Variants in BTF3L4 observed in about 807,000 individuals in gnomAD.
BTF3L4 encodes basic transcription factor 3 like 4.
A neutral mutation model predicts 16.8 loss-of-function variants in BTF3L4; 6 were observed. That is an observed-to-expected ratio of 0.36 (90% CI 0.20 to 0.71). The LOEUF is 0.71. Ranked by LOEUF, BTF3L4 falls within the 30% of genes least tolerant of loss-of-function variation. The pLI, the probability that BTF3L4 is intolerant of heterozygous loss-of-function variation, is 0.58. For missense variants in BTF3L4, 92 were observed against 186.9 expected (o/e 0.49, Z 2.96); for synonymous variants, 39 against 59.8 (o/e 0.65, Z 1.60).
chr1:52,059,621 T>G (rs535218282), intron 1 of BTF3L4, among the ~76,000 whole-genome samples: 3 of 152,336 alleles, frequency 2.0e-5, no homozygotes, highest in Non-Finnish European at 4.4e-5. Flanking sequence ...GTATATTTGA[T>G]TCCCTCATGG....
intron 3 of BTF3L4, among the ~76,000 whole-genome samples, chr1:52,073,259 C>T (rs1332374498): frequency 6.6e-6 from 1 of 151,702 alleles, no homozygotes; most frequent in African/African-American, 2.4e-5. Context: ...ACTCCAACCT[C>T]GGCAACAAGA....
chr1:52,070,171 C>G (rs1314266125), intron 3 of BTF3L4, among the ~76,000 whole-genome samples: 2 of 150,188 alleles, frequency 1.3e-5, no homozygotes, highest in Non-Finnish European at 2.9e-5. Flanking sequence ...GAGCTGAAAT[C>G]GTGCCATTGC....
chr1:52,080,046 A>T lies in BTF3L4; in HGVS notation c.169-3294A>T, dbSNP rs529633726. 3.6e-3 allele frequency among the ~76,000 whole-genome samples: 538 copies of T among 151,458 alleles called. 2 individuals are homozygous for T. The highest frequency in any genetic ancestry group is 0.012 in the African/African-American group (511 of 41,300). On this transcript the variant is annotated intron_variant, in intron 3 of 5. Coordinates refer to ENST00000313334, the MANE Select transcript of BTF3L4 (RefSeq NM_152265.5). ...ACCACCACACCCAGATGATTTTTGT[A>T]TTTTTAGTAGAGATGGGGTTTCACT...
At position 52,080,836 on chromosome 1, in the gene BTF3L4, C is replaced by CT. The variant is rs34697464; in HGVS notation, c.169-2482dup. 6.6e-3 allele frequency among the ~76,000 whole-genome samples: 555 copies of CT among 83,570 alleles called. 12 individuals are homozygous for CT. The highest frequency in any genetic ancestry group is 0.018 in the African/African-American group (406 of 22,150). The allele number at this position is 83,570 out of a possible 152,430, so 54.8% of individuals were successfully genotyped here. Reference sequence around the variant, plus strand: ...GGCGTGAGCCACTGCGCTCGGCCTTCTTTTTTTTTTTTTTTTTTTTTTCTG... The same window carrying CT: ...GGCGTGAGCCACTGCGCTCGGCCTTCTTTTTTTTTTTTTTTTTTTTTTTCTG... On this transcript the variant is annotated intron_variant, in intron 3 of 5. Coordinates refer to ENST00000313334, the MANE Select transcript of BTF3L4 (RefSeq NM_152265.5).
In BTF3L4 at chr1:52,090,236, A is replaced by G. The variant is rs1644007093; in HGVS notation, c.*3478A>G. On this transcript the variant is annotated 3_prime_UTR_variant, in exon 6 of 6. Coordinates refer to ENST00000313334, the MANE Select transcript of BTF3L4 (RefSeq NM_152265.5). ...TGCTCTCTGAGCCTCAGTTTTATCT[A>G]TAAAATGGTACCTAGAAGAGTCATG... The G allele has an allele frequency of 6.6e-6, 1 of 152,190 alleles. No homozygotes were observed. Among genetic ancestry groups the G allele is most frequent in the African/African-American group, 2.4e-5 (1 of 41,454 alleles). 9.4% of individuals were successfully genotyped at this position (152,190 alleles called of 1,614,324 possible). A position where few individuals can be genotyped will look rare whatever the true frequency, so the allele number is the denominator to read the frequency against.
In BTF3L4 at chr1:52,087,811, C is replaced by T. The variant is rs891268917; in HGVS notation, c.*1053C>T. ...AAGAAAATAGGCCATAGACTCATCT[C>T]CCAGCACAAATGGGCATTCTATGAA... On this transcript the variant is annotated 3_prime_UTR_variant, in exon 6 of 6. Transcript: ENST00000313334. 6.6e-6 allele frequency: 1 copy of T among 152,582 alleles called. No individual in the cohort carries two copies. The highest frequency in any genetic ancestry group is 2.4e-5 in the African/African-American group (1 of 41,438). The allele number at this position is 152,582 out of a possible 1,614,324, so 9.5% of individuals were successfully genotyped here.
intron 3 of BTF3L4, among the ~76,000 whole-genome samples, chr1:52,066,196 TG>T (rs1198085830): frequency 3.3e-5 from 5 of 151,694 alleles, no homozygotes; most frequent in African/African-American, 1.2e-4. Flanking sequence ...TGATTCCATT[TG>T]TTTTTTTGTT....
intron 2 of BTF3L4, among the ~76,000 whole-genome samples, chr1:52,064,411 C>T (rs1039181334): frequency 6.6e-6 from 1 of 152,018 alleles, no homozygotes; most frequent in Non-Finnish European, 1.5e-5. Context: ...TCAGTTATGT[C>T]CTAATTCCCC....
In BTF3L4 at chr1:52,086,135, C is replaced by G. The variant is rs149878816; in HGVS notation, c.394C>G (p.Pro132Ala). ...AGTCTTGGACAGTAAAGCACCAAAA[C>G]CAGAAGACATTGATGAGGAAGATGA... Reference protein sequence around the residue: ...RQVLDSKAPKPEDIDEEDDDV... With the variant: ...RQVLDSKAPKAEDIDEEDDDV... The change falls in exon 5 of 6, where the codon CCA becomes GCA. Residue 132 changes from proline to alanine, a missense_variant. Physicochemically the swap from Pro to Ala is conservative, Grantham distance 27. Transcript: ENST00000313334. 18 of 1,609,790 alleles carry G rather than the reference C, an allele frequency of 1.1e-5. No homozygotes were observed. The highest frequency in any genetic ancestry group is 1.5e-5 in the Non-Finnish European group (18 of 1,178,140).
At chr1:52,078,493 CCTT>C (rs1475618227) in intron 3 of BTF3L4, among the ~76,000 whole-genome samples, 3 of 152,072 alleles carry the variant, frequency 2.0e-5, no homozygotes, top group Non-Finnish European at 4.4e-5. Flanking sequence ...AAGAAATTAA[CCTT>C]CTAGTATGGT....
intron 2 of BTF3L4, chr1:52,060,395 C>A: frequency 8.9e-7 from 1 of 1,128,280 alleles, no homozygotes; most frequent in Non-Finnish European, 1.2e-6. Context: ...GCTGGAGATG[C>A]TTAAGTTGAT....
rs1036657684 is a variant in BTF3L4 at position 52,089,789 on chromosome 1, A to T, written c.*3031A>T. The T allele has an allele frequency of 1.3e-5, 2 of 151,942 alleles. No homozygotes were observed. Among genetic ancestry groups the T allele is most frequent in the East Asian group, 3.9e-4 (2 of 5,182 alleles). The allele number at this position is 151,942 out of a possible 1,614,324, so 9.4% of individuals were successfully genotyped here. ...GGGCTCTTATATCTGTTTTACCCTT[A>T]TTTTTCCCATTAAGTAATGGTTTAA... On this transcript the variant is annotated 3_prime_UTR_variant, in exon 6 of 6. Transcript: ENST00000313334.
intron 3 of BTF3L4, among the ~76,000 whole-genome samples, chr1:52,080,532 T>G (rs1251918205): frequency 2.4e-5 from 3 of 125,266 alleles, no homozygotes; most frequent in Admixed American, 1.7e-4. Flanking sequence ...TTTTTTTTTT[T>G]TTTTTTTTTT....
In BTF3L4 at chr1:52,083,220, C is replaced by G. The variant is rs909994603; in HGVS notation, c.169-120C>G. 9.0e-6 allele frequency: 7 copies of G among 773,730 alleles called. No homozygotes were observed. In the African/African-American group the frequency reaches 1.2e-4, roughly 14 times the overall value. 47.9% of individuals were successfully genotyped at this position (773,730 alleles called of 1,614,324 possible). ...CGAATGTCCGTTGCTTGGCCAGTTA[C>G]TACCTTGGGATTACATAACTACCAA... On this transcript the variant is annotated intron_variant, in intron 3 of 5. Transcript: ENST00000313334.
chr1:52,056,592 C>G (rs1284118734), intron 1 of BTF3L4, among the ~76,000 whole-genome samples: 2 of 152,268 alleles, frequency 1.3e-5, no homozygotes, highest in Non-Finnish European at 2.9e-5. Flanking sequence ...ACCACCGCCC[C>G]CTGTGGGAGC....
chr1:52,059,168 GTA>G (rs540736022), intron 1 of BTF3L4, among the ~76,000 whole-genome samples: 33 of 151,972 alleles, frequency 2.2e-4, no homozygotes, highest in Non-Finnish European at 4.3e-4. Context: ...GTCTTGACAA[GTA>G]TAACATACTA....
chr1:52,067,539 TATATTTTCATGGACCTCAA>T (rs1388319871), intron 3 of BTF3L4, among the ~76,000 whole-genome samples: 1 of 152,238 alleles, frequency 6.6e-6, no homozygotes, highest in Non-Finnish European at 1.5e-5. Context: ...AAAGCTTTTA[TATATTTTCATGGACCTCAA>T]ATATTTTAGA....
chr1:52,063,606 A>T (rs1686574065), intron 2 of BTF3L4, among the ~76,000 whole-genome samples: 1 of 152,226 alleles, frequency 6.6e-6, no homozygotes, highest in Admixed American at 6.5e-5. Flanking sequence ...TTAACCCTCA[A>T]GACTTAATAA....
At chr1:52,075,666 T>A (rs1000121926) in intron 3 of BTF3L4, among the ~76,000 whole-genome samples, 4 of 149,370 alleles carry the variant, frequency 2.7e-5, no homozygotes, top group African/African-American at 9.7e-5. Context: ...TGTATATTTT[T>A]ATATATATAA....
Sources: allele counts gnomAD v4.1 joint callset (sites outside exome capture counted in the v4.1 genomes callset), GRCh38; gene constraint gnomAD v4.1.1; transcripts MANE v1.5; gene names NCBI Gene and HGNC (gene_info 2026-07-23, HGNC 2026-07-21).